SHANK2: variants seen among roughly 807,000 people sequenced by gnomAD.
The protein encoded by SHANK2 is SH3 and multiple ankyrin repeat domains protein 2.
In SHANK2, 43 loss-of-function variants were observed where a neutral mutation model predicts 133.7. The ratio of observed to expected loss-of-function variants is 0.32; its 90% CI spans 0.25 to 0.41. The LOEUF (loss-of-function observed/expected upper bound fraction) is 0.41, where lower values mean the gene tolerates loss of function less well. Among genes scored for constraint, SHANK2 ranks in the 10% least tolerant of loss-of-function variants. The pLI is 1.00. For missense variants in SHANK2, 1,994 were observed against 2,235.8 expected (o/e 0.89, Z 2.18); for synonymous variants, 1,017 against 952.8 (o/e 1.07, Z -1.24).
intron 17 of SHANK2, among the ~76,000 whole-genome samples, chr11:70,627,056 G>A (rs575877761): frequency 1.3e-5 from 2 of 152,322 alleles, no homozygotes; most frequent in South Asian, 4.1e-4. Context: ...GGGGGCGTGG[G>A]GGTGGCATGG....
chr11:71,135,484 T>G (rs1331683803), intron 3 of SHANK2, among the ~76,000 whole-genome samples: 5 of 59,800 alleles, frequency 8.4e-5, no homozygotes, highest in East Asian at 9.2e-4. Flanking sequence ...GGGGATATGT[T>G]TTTTTTTTTT....
intron 14 of SHANK2, among the ~76,000 whole-genome samples, chr11:70,743,144 G>T (rs546822339): frequency 6.6e-6 from 1 of 152,344 alleles, no homozygotes; most frequent in East Asian, 1.9e-4. Context: ...GGGCTGGAGG[G>T]GAAACCTGCA....
intron 15 of SHANK2, among the ~76,000 whole-genome samples, chr11:70,690,502 T>G (rs1945261085): frequency 8.1e-6 from 1 of 123,026 alleles, no homozygotes; most frequent in African/African-American, 3.1e-5. Flanking sequence ...TTTTTTTTTT[T>G]TTTTTTTTTT....
rs556991156 is a variant in SHANK2 at position 70,882,593 on chromosome 11, C to T, written c.1174+13908G>A. On this transcript the variant is annotated intron_variant, in intron 11 of 25. Transcript: ENST00000601538. The surrounding 1 kb of genome is among the most constrained non-coding windows in gnomAD (Gnocchi z 4.2). ...CAGGGGCCAGCTGGGCTAGTCTGTG[C>T]AGAAGCAGGCTTAGGTCAGAGGTAG... Among the ~76,000 whole-genome samples the T allele has an allele frequency of 6.6e-6, 1 of 152,244 alleles. No homozygotes were observed. The highest frequency in any genetic ancestry group is 1.5e-5 in the Non-Finnish European group (1 of 68,008).
At chr11:70,872,043 T>C (rs370081748) in intron 11 of SHANK2, among the ~76,000 whole-genome samples, 8 of 152,326 alleles carry the variant, frequency 5.3e-5, no homozygotes, top group Middle Eastern at 3.4e-3. Flanking sequence ...GCACGCTGCC[T>C]GCTTCTGCAG....
intron 11 of SHANK2, among the ~76,000 whole-genome samples, chr11:70,866,023 G>A (rs1555068948): frequency 6.6e-6 from 1 of 152,168 alleles, no homozygotes; most frequent in African/African-American, 2.4e-5. Context: ...TCTTAGTGGG[G>A]GGCTGCCTGG....
At chr11:70,489,456 T>C (rs2058855711) in intron 23 of SHANK2, 108 bp from the exon 24 acceptor site, 1 of 1,031,352 alleles carries the variant, frequency 9.7e-7, no homozygotes, top group Non-Finnish European at 1.5e-6. Context: ...AGACACCACC[T>C]CCACGGCCAC....
Position 70,471,131 on chromosome 11 carries a change from CTT to C in SHANK2, c.*1736_*1737del, listed in dbSNP as rs552058932. On this transcript the variant is annotated 3_prime_UTR_variant, in exon 26 of 26. Coordinates refer to ENST00000601538, the MANE Select transcript of SHANK2 (RefSeq NM_012309.5). The surrounding 1 kb of genome is among the most constrained non-coding windows in gnomAD (Gnocchi z 4.1). ...CAAAGGCTGCCTAGTAGACCAGCCA[CTT>C]TTTTTTCTTAAAATATTGTGCTTAT... 1.5e-5 allele frequency: 6 copies of C among 396,732 alleles called. No homozygotes were observed. The South Asian group carries it at 8.4e-4, about 55-fold the overall frequency. 24.6% of individuals were successfully genotyped at this position (396,732 alleles called of 1,614,324 possible).
chr11:70,581,440 C>T (rs1057318082), intron 17 of SHANK2, among the ~76,000 whole-genome samples: 4 of 152,180 alleles, frequency 2.6e-5, no homozygotes, highest in Admixed American at 2.6e-4. Context: ...CCTGTAATCC[C>T]AGCCCTTTGG....
chr11:70,659,848 T>C lies in SHANK2; in HGVS notation c.2041A>G (p.Thr681Ala). The C allele has an allele frequency of 6.2e-7, 1 of 1,613,998 alleles. No individual in the cohort carries two copies. Among genetic ancestry groups the C allele is most frequent in the Non-Finnish European group, 8.5e-7 (1 of 1,180,008 alleles). The change falls in exon 17 of 26, where the codon ACC becomes GCC. Residue 681 changes from threonine to alanine, a missense_variant. Thr to Ala is a moderately conservative substitution (Grantham distance 58). Coordinates refer to ENST00000601538, the MANE Select transcript of SHANK2 (RefSeq NM_012309.5). ...GGVAWQAGLR[T>A]GDFLIEVNNE... The stretch of plus-strand genomic sequence containing the variant: ...CCTACCTCAATCAAGAAGTCCCCGG[T>C]CCTTAGTCCGGCTTGCCACGCCACC...
intron 14 of SHANK2, among the ~76,000 whole-genome samples, chr11:70,713,416 G>C (rs781984741): frequency 9.2e-5 from 14 of 152,242 alleles, no homozygotes; most frequent in South Asian, 2.1e-4. Flanking sequence ...TTTTTGCCAA[G>C]CGTAGCTGTG....
At chr11:70,788,516 T>A (rs1555047202) in intron 14 of SHANK2, among the ~76,000 whole-genome samples, 1 of 152,132 alleles carries the variant, frequency 6.6e-6, no homozygotes, top group African/African-American at 2.4e-5. Context: ...ACCCACTGGT[T>A]AGTCACTTAG....
At position 70,468,729 on chromosome 11, in the gene SHANK2, A is replaced by G. The variant is rs1555147686; in HGVS notation, c.*4140T>C. The G allele has an allele frequency of 6.6e-6, 1 of 152,242 alleles. No individual in the cohort carries two copies. The highest frequency in any genetic ancestry group is 2.4e-5 in the African/African-American group (1 of 41,460). 9.4% of individuals were successfully genotyped at this position (152,242 alleles called of 1,614,324 possible). ...AGCTTGAGGGTGAACTACAAAAGAT[A>G]TGAGGACTGGAATTTTTCCTGAACG... On this transcript the variant is annotated 3_prime_UTR_variant, in exon 26 of 26. Coordinates refer to ENST00000601538, the MANE Select transcript of SHANK2 (RefSeq NM_012309.5).
intron 10 of SHANK2, among the ~76,000 whole-genome samples, chr11:70,944,486 C>T (rs1167641119): frequency 6.6e-6 from 1 of 152,254 alleles, no homozygotes; most frequent in Non-Finnish European, 1.5e-5. Flanking sequence ...TGAAACACCT[C>T]TGGGACCGTC....
chr11:70,501,702 C>T (rs887037846), intron 20 of SHANK2, among the ~76,000 whole-genome samples: 1 of 152,244 alleles, frequency 6.6e-6, no homozygotes, highest in Non-Finnish European at 1.5e-5. Flanking sequence ...GCAGACCTTA[C>T]ACAAAGGTGC....
intron 9 of SHANK2, among the ~76,000 whole-genome samples, chr11:71,057,777 G>A (rs1950937806): frequency 6.6e-6 from 1 of 150,394 alleles, no homozygotes; most frequent in Admixed American, 6.7e-5. Context: ...TCGAACTCCT[G>A]GGCTCAAGTG....
chr11:70,728,738 A>G (rs2134708889), intron 14 of SHANK2, among the ~76,000 whole-genome samples: 1 of 152,348 alleles, frequency 6.6e-6, no homozygotes, highest in East Asian at 1.9e-4. Flanking sequence ...TTTGCTTTAA[A>G]GAAAAACAAA....
intron 14 of SHANK2, among the ~76,000 whole-genome samples, chr11:70,708,886 C>A (rs1172681992): frequency 4.6e-5 from 7 of 152,180 alleles, no homozygotes; most frequent in Admixed American, 2.0e-4. Context: ...TGTGTGGACC[C>A]CCCCTGCTGA....
In SHANK2 at chr11:70,490,696, G is replaced by A. The variant is rs183204210; in HGVS notation, c.2440-309C>T. ...TTTGCCAGAGCAGCTGGACAGATACGTCTCTCTGAGAGGGGGGCCAGGCTG... is the reference window on the plus strand; with the variant it reads ...TTTGCCAGAGCAGCTGGACAGATACATCTCTCTGAGAGGGGGGCCAGGCTG... On this transcript the variant is annotated intron_variant, in intron 22 of 25. Transcript: ENST00000601538. 3.3e-4 allele frequency among the ~76,000 whole-genome samples: 51 copies of A among 152,370 alleles called. No homozygotes were observed. The South Asian group carries it at 5.2e-3, about 15-fold the overall frequency.
Sources: allele counts gnomAD v4.1 joint callset (sites outside exome capture counted in the v4.1 genomes callset), GRCh38; gene constraint gnomAD v4.1.1; non-coding constraint Gnocchi (gnomAD v3.1); transcripts MANE v1.5; gene names NCBI Gene and HGNC (gene_info 2026-07-23, HGNC 2026-07-21).